Variants in CLDN10 observed in about 807,000 individuals in gnomAD.
CLDN10 encodes claudin 10, also known as claudin-10.
In CLDN10, 15 loss-of-function variants were observed where a neutral mutation model predicts 22.9. The observed-to-expected ratio is 0.65, with a 90% CI of 0.44 to 1.01. The LOEUF (loss-of-function observed/expected upper bound fraction) is 1.01, where lower values mean the gene tolerates loss of function less well. Among genes scored for constraint, CLDN10 ranks in the 50% least tolerant of loss-of-function variants. The probability of loss-of-function intolerance (pLI) is 0.00; values close to 1 mark genes in which losing one functional copy is unlikely to be tolerated. For synonymous variants in CLDN10, 114 were observed against 111.4 expected, an observed-to-expected ratio of 1.02 and a Z score of -0.15; for missense variants, 247 against 287.8, an observed-to-expected ratio of 0.86 and a Z score of 1.03.
intron 1 of CLDN10, among the ~76,000 whole-genome samples, chr13:95,453,061 A>G (rs1374905184): frequency 1.3e-5 from 2 of 151,986 alleles, no homozygotes; most frequent in Admixed American, 1.3e-4. Context: ...TCAGCATGCA[A>G]TGGTTTTTGG....
At chr13:95,576,884 C>T (rs1479791431) in intron 3 of CLDN10, among the ~76,000 whole-genome samples, 3 of 152,164 alleles carry the variant, frequency 2.0e-5, no homozygotes, top group Admixed American at 6.5e-5. Context: ...AAATGATTTG[C>T]GCTGCAGAAC....
chr13:95,514,060 C>T (rs546438637), intron 1 of CLDN10, among the ~76,000 whole-genome samples: 1 of 152,048 alleles, frequency 6.6e-6, no homozygotes, highest in African/African-American at 2.4e-5. Context: ...GAATTCAAGA[C>T]CAGCCTGGGC....
intron 1 of CLDN10, among the ~76,000 whole-genome samples, chr13:95,525,856 A>G (rs2043275058): frequency 6.6e-6 from 1 of 152,040 alleles, no homozygotes; most frequent in Non-Finnish European, 1.5e-5. Context: ...TAACCTTATT[A>G]AAATTGACTA....
chr13:95,577,136 A>C (rs1484907552), intron 3 of CLDN10, 95 bp from the exon 4 acceptor site: 1 of 790,984 alleles, frequency 1.3e-6, no homozygotes, highest in African/African-American at 1.7e-5. Context: ...GCAAAAAAAC[A>C]TAATAAGCAT....
chr13:95,533,356 G>A (rs535535597), intron 1 of CLDN10, among the ~76,000 whole-genome samples: 1 of 152,142 alleles, frequency 6.6e-6, no homozygotes, highest in Non-Finnish European at 1.5e-5. Context: ...ATTCAACATT[G>A]CTATATATTT....
rs1426857360 is a variant in CLDN10 at position 95,577,256 on chromosome 13, A to G, written c.490A>G (p.Ile164Val). 6.2e-7 allele frequency: 1 copy of G among 1,613,976 alleles called. No individual in the cohort carries two copies. Among genetic ancestry groups the G allele is most frequent in the Non-Finnish European group, 8.5e-7 (1 of 1,179,942 alleles). Residue 164 changes from isoleucine to valine, a missense_variant, in exon 4 of 5, where the codon ATT becomes GTT. By Grantham distance (29) the Ile-to-Val change is conservative. Coordinates refer to ENST00000299339, the MANE Select transcript of CLDN10 (RefSeq NM_006984.5). ...QKYELGAALFIGWAGASLCII... is the reference protein window; with the variant it reads ...QKYELGAALFVGWAGASLCII... ...GTATGAATTAGGAGCCGCTCTGTTT[A>G]TTGGATGGGCAGGAGCCTCACTGTG...
chr13:95,482,884 C>T (rs1301314749), intron 1 of CLDN10, among the ~76,000 whole-genome samples: 1 of 152,204 alleles, frequency 6.6e-6, no homozygotes, highest in Non-Finnish European at 1.5e-5. Flanking sequence ...GAGGCTAAGA[C>T]AGGAGAATCT....
At chr13:95,566,831 T>C (rs907414253) in intron 3 of CLDN10, among the ~76,000 whole-genome samples, 1 of 152,136 alleles carries the variant, frequency 6.6e-6, no homozygotes, top group African/African-American at 2.4e-5. Context: ...GTTTCAGCTT[T>C]TACATATGGC....
chr13:95,560,502 G>A, intron 3 of CLDN10, 39 bp downstream of exon 3: 1 of 1,491,302 alleles, frequency 6.7e-7, no homozygotes, highest in Non-Finnish European at 9.3e-7. Context: ...CTCACAGGAA[G>A]TGTATATAAA....
chr13:95,566,185 C>T (rs139765558), intron 3 of CLDN10, among the ~76,000 whole-genome samples: 1 of 152,134 alleles, frequency 6.6e-6, no homozygotes, highest in Non-Finnish European at 1.5e-5. Context: ...GTTGTAGATC[C>T]TTGAGGAATT....
intron 1 of CLDN10, among the ~76,000 whole-genome samples, chr13:95,535,489 C>T (rs1436339550): frequency 6.7e-6 from 1 of 148,642 alleles, no homozygotes; most frequent in Non-Finnish European, 1.5e-5. Context: ...CAGGAACACT[C>T]ATAACTTGCT....
At chr13:95,553,731 C>T (rs1487499685) in intron 1 of CLDN10, among the ~76,000 whole-genome samples, 5 of 152,180 alleles carry the variant, frequency 3.3e-5, no homozygotes, top group Non-Finnish European at 7.3e-5. Flanking sequence ...TGCTGCTGTC[C>T]TGGGTTGTTC....
At chr13:95,444,306 G>A (rs1385478353) in intron 1 of CLDN10, among the ~76,000 whole-genome samples, 3 of 152,234 alleles carry the variant, frequency 2.0e-5, no homozygotes, top group African/African-American at 7.2e-5. Flanking sequence ...ATGAACTTGG[G>A]ATAATTGGCT....
chr13:95,464,739 C>CTTT (rs35464755), intron 1 of CLDN10, among the ~76,000 whole-genome samples: 1 of 149,346 alleles, frequency 6.7e-6, no homozygotes, highest in East Asian at 2.0e-4. Context: ...TGTGTTTTTG[C>CTTT]TTTTTTTTTT....
At chr13:95,498,693 C>G (rs1297650777) in intron 1 of CLDN10, among the ~76,000 whole-genome samples, 1 of 152,186 alleles carries the variant, frequency 6.6e-6, no homozygotes, top group Admixed American at 6.5e-5. Context: ...TCGTGCCCAG[C>G]CTATTCCTCT....
intron 3 of CLDN10, among the ~76,000 whole-genome samples, chr13:95,571,516 C>A (rs1218331745): frequency 1.3e-5 from 2 of 152,080 alleles, no homozygotes; most frequent in East Asian, 1.9e-4. Flanking sequence ...GGGAGAGAAC[C>A]CAGCAGAGGG....
In CLDN10 at chr13:95,545,882, G is replaced by C. The variant is rs77487548; in HGVS notation, c.215-14250G>C. Among the ~76,000 whole-genome samples, 18 of 152,242 alleles carry C rather than the reference G, an allele frequency of 1.2e-4. No homozygotes were observed. The East Asian group carries it at 3.5e-3, about 29-fold the overall frequency. ...TCAAGTCACTGGGCTAGCTCCGTTT[G>C]GCTGAGAGCACGGGCCAGAGCTCAA... On this transcript the variant is annotated intron_variant, in intron 1 of 4. Coordinates refer to the CLDN10 transcript ENST00000376873.
intron 1 of CLDN10, among the ~76,000 whole-genome samples, chr13:95,448,181 G>A (rs1055802814): frequency 6.6e-6 from 1 of 151,746 alleles, no homozygotes; most frequent in Non-Finnish European, 1.5e-5. Flanking sequence ...CTCTTATCAC[G>A]CAGACACCTC....
chr13:95,477,490 G>A (rs2042696124), intron 1 of CLDN10, among the ~76,000 whole-genome samples: 1 of 152,140 alleles, frequency 6.6e-6, no homozygotes, highest in South Asian at 2.1e-4. Context: ...CAGGGGGAGG[G>A]GGACAGTGAG....
Sources: gnomAD v4.1 joint callset for allele counts (sites outside exome capture counted in the v4.1 genomes callset) on GRCh38, gnomAD v4.1.1 for gene constraint, MANE v1.5 for transcripts, NCBI Gene and HGNC (gene_info 2026-07-23, HGNC 2026-07-21) for gene names.